The following MROH9 variants were observed in gnomAD, a reference collection of about 807,000 sequenced individuals.
MROH9 encodes the protein maestro heat-like repeat-containing protein family member 9.
Under a neutral mutation model 98.2 loss-of-function variants are expected in MROH9, and 92 were observed. The observed-to-expected ratio is 0.94, with a 90% CI of 0.79 to 1.11. The LOEUF is 1.11. MROH9 is among the 50% of genes most tolerant of loss of function. MROH9 has a pLI of 0.00. For synonymous variants in MROH9, 397 were observed against 368.9 expected (o/e 1.08, Z -0.87); for missense variants, 1,057 against 1,014.8 (o/e 1.04, Z -0.57).
At chr1:170,947,976 C>T (rs1457464459) in intron 3 of MROH9, among the ~76,000 whole-genome samples, 1 of 152,010 alleles carries the variant, frequency 6.6e-6, no homozygotes, top group Admixed American at 6.6e-5. Context: ...GATATTATTT[C>T]CTTATTTGAG....
intron 2 of MROH9, among the ~76,000 whole-genome samples, chr1:170,946,375 G>A (rs1649333074): frequency 6.6e-6 from 1 of 151,930 alleles, no homozygotes; most frequent in South Asian, 2.1e-4. Context: ...AACAAGGAAA[G>A]ACTGCTAAAC....
At position 170,959,118 on chromosome 1, in the gene MROH9, C is replaced by G. The variant is rs373471601; in HGVS notation, c.153-344C>G. The stretch of plus-strand genomic sequence containing the variant: ...GGGCCAGGCACGGTGGCTCACACCT[C>G]TAATCCCAGCACTTTGGGAGGCTGA... On this transcript the variant is annotated intron_variant, in intron 4 of 21. Coordinates refer to ENST00000367759, the MANE Select transcript of MROH9 (RefSeq NM_001163629.2). Among the ~76,000 whole-genome samples the G allele has an allele frequency of 2.0e-5, 3 of 152,024 alleles. No homozygotes were observed. In the East Asian group the frequency reaches 5.8e-4, roughly 29 times the overall value.
At chr1:170,979,949 A>T (rs1650861133) in intron 8 of MROH9, among the ~76,000 whole-genome samples, 1 of 152,192 alleles carries the variant, frequency 6.6e-6, no homozygotes, top group African/African-American at 2.4e-5. Context: ...AACAATAGGC[A>T]AGCAAAGAGC....
intron 15 of MROH9, among the ~76,000 whole-genome samples, chr1:171,012,591 C>T (rs925435938): frequency 2.6e-5 from 4 of 151,318 alleles, no homozygotes; most frequent in Admixed American, 6.6e-5. Flanking sequence ...CAAGCTCCGC[C>T]TCCCGGGTTC....
At chr1:171,020,543 G>A (rs2101838190) in intron 17 of MROH9, among the ~76,000 whole-genome samples, 1 of 152,188 alleles carries the variant, frequency 6.6e-6, no homozygotes, top group Non-Finnish European at 1.5e-5. Context: ...TGCCGAAAAG[G>A]CCTTCGATAA....
intron 17 of MROH9, among the ~76,000 whole-genome samples, chr1:171,017,480 G>T (rs1160522349): frequency 6.6e-6 from 1 of 152,210 alleles, no homozygotes; most frequent in Admixed American, 6.5e-5. Flanking sequence ...ACACGGAGCT[G>T]CACAGATTCT....
At chr1:171,040,984 A>T (rs1267132695) in intron 20 of MROH9, among the ~76,000 whole-genome samples, 2 of 152,026 alleles carry the variant, frequency 1.3e-5, no homozygotes, top group Admixed American at 6.6e-5. Flanking sequence ...GCTGATATAA[A>T]TTTTTTATTT....
intron 17 of MROH9, among the ~76,000 whole-genome samples, chr1:171,018,684 A>G (rs956929388): frequency 6.6e-6 from 1 of 152,184 alleles, no homozygotes; most frequent in Non-Finnish European, 1.5e-5. Flanking sequence ...GCTGCTAACT[A>G]GAATAACCAG....
chr1:170,948,385 C>A (rs1649415609), intron 3 of MROH9, among the ~76,000 whole-genome samples: 1 of 151,910 alleles, frequency 6.6e-6, no homozygotes, highest in Admixed American at 6.6e-5. Context: ...ATTTGGTGGA[C>A]AAATTGATTT....
chr1:171,022,385 G>A (rs981191932), intron 17 of MROH9, among the ~76,000 whole-genome samples: 3 of 152,178 alleles, frequency 2.0e-5, no homozygotes, highest in Middle Eastern at 3.4e-3. Context: ...AAGAAAATGT[G>A]GTATATATAC....
chr1:170,986,786 A>G, intron 10 of MROH9, 76 bp downstream of exon 10: 3 of 1,416,020 alleles, frequency 2.1e-6, no homozygotes, highest in Non-Finnish European at 2.9e-6. Flanking sequence ...TTGTATGTCC[A>G]CTTCTTTTTA....
At chr1:170,994,667 T>C (rs1187034001) in intron 12 of MROH9, among the ~76,000 whole-genome samples, 2 of 152,156 alleles carry the variant, frequency 1.3e-5, no homozygotes, top group Non-Finnish European at 2.9e-5. Context: ...AGTCACCCTG[T>C]TGTGCTATCA....
At chr1:171,046,680 G>A (rs1477236961) in intron 20 of MROH9, among the ~76,000 whole-genome samples, 1 of 152,060 alleles carries the variant, frequency 6.6e-6, no homozygotes, top group Non-Finnish European at 1.5e-5. Flanking sequence ...TTCTGCTTAG[G>A]ATAAGAATAG....
At chr1:171,015,164 T>C (rs534236413) in intron 16 of MROH9, 4 of 424,852 alleles carry the variant, frequency 9.4e-6, no homozygotes, top group African/African-American at 8.1e-5. Context: ...CTCTGAGAAC[T>C]GAAGCCTATC....
At chr1:170,994,580 C>G (rs1651485036) in intron 12 of MROH9, among the ~76,000 whole-genome samples, 1 of 152,186 alleles carries the variant, frequency 6.6e-6, no homozygotes, top group Admixed American at 6.5e-5. Context: ...GGGTACCCAT[C>G]CCGTCAAGCA....
intron 2 of MROH9, among the ~76,000 whole-genome samples, chr1:170,945,809 A>C (rs1050461397): frequency 2.6e-5 from 4 of 152,082 alleles, no homozygotes; most frequent in African/African-American, 9.7e-5. Context: ...ATATTCTCTG[A>C]TTACAATGCA....
intron 20 of MROH9, among the ~76,000 whole-genome samples, chr1:171,043,107 T>A (rs1357955316): frequency 5.3e-5 from 8 of 152,074 alleles, no homozygotes; most frequent in Non-Finnish European, 1.5e-5. Context: ...TTGTAATAGG[T>A]GTATATTTTG....
intron 20 of MROH9, among the ~76,000 whole-genome samples, chr1:171,061,050 CACCGGCA>C (rs1653995379): frequency 6.6e-6 from 1 of 152,096 alleles, no homozygotes; most frequent in Non-Finnish European, 1.5e-5. Context: ...TCAATATATA[CACCGGCA>C]AGAGACTTAT....
Position 170,986,558 on chromosome 1 carries a change from CA to C in MROH9, c.730-2del. On this transcript the variant is annotated splice_acceptor_variant, in intron 9 of 21. Coordinates refer to ENST00000367759, the MANE Select transcript of MROH9 (RefSeq NM_001163629.2). LOFTEE classifies it high-confidence loss of function. ...AGGTCATGATTATCCTTTGTGGTTGCAGAGAGTAGGGCAAACCTTACTGCCT... is the reference window on the plus strand; with the variant it reads ...AGGTCATGATTATCCTTTGTGGTTGCGAGAGTAGGGCAAACCTTACTGCCT... 2 of 1,611,806 alleles carry C rather than the reference CA, an allele frequency of 1.2e-6. No homozygotes were observed. The highest frequency in any genetic ancestry group is 2.7e-5 in the African/African-American group (2 of 74,934).
Sources: gnomAD v4.1 joint callset for allele counts (sites outside exome capture counted in the v4.1 genomes callset) on GRCh38, gnomAD v4.1.1 for gene constraint, MANE v1.5 for transcripts, NCBI Gene and HGNC (gene_info 2026-07-23, HGNC 2026-07-21) for gene names.